The following SLCO1A2 variants were observed in gnomAD, a reference collection of about 807,000 sequenced individuals.
SLCO1A2 encodes solute carrier organic anion transporter family member 1A2, also known as OATP-1.
A neutral mutation model predicts 69.0 loss-of-function variants in SLCO1A2; 67 were observed. The ratio of observed to expected loss-of-function variants is 0.97; its 90% CI spans 0.80 to 1.19. The LOEUF (loss-of-function observed/expected upper bound fraction) is 1.19, where lower values mean the gene tolerates loss of function less well. Among genes scored for constraint, SLCO1A2 ranks in the 50% most tolerant of loss-of-function variants. The pLI is 0.00. For synonymous variants in SLCO1A2, 260 were observed against 265.9 expected, an observed-to-expected ratio of 0.98 and a Z score of 0.22; for missense variants, 787 against 793.7, an observed-to-expected ratio of 0.99 and a Z score of 0.10.
At chr12:21,284,496 C>G (rs1362429691) in intron 12 of SLCO1A2, among the ~76,000 whole-genome samples, 1 of 151,758 alleles carries the variant, frequency 6.6e-6, no homozygotes, top group Non-Finnish European at 1.5e-5. Flanking sequence ...CAGCTCTGCA[C>G]CAAGCGAACC....
intron 1 of SLCO1A2, among the ~76,000 whole-genome samples, chr12:21,384,790 G>A (rs540543792): frequency 8.1e-5 from 12 of 148,346 alleles, no homozygotes; most frequent in South Asian, 2.1e-4. Flanking sequence ...TTTTGAGTCG[G>A]AGTCTCGTTC....
chr12:21,267,688 A>C lies in SLCO1A2; in HGVS notation c.*1860T>G, dbSNP rs964732037. The C allele has an allele frequency of 3.3e-5, 5 of 152,170 alleles. No homozygotes were observed. The South Asian group carries it at 1.0e-3, about 32-fold the overall frequency. The allele number at this position is 152,170 out of a possible 1,614,324, so 9.4% of individuals were successfully genotyped here. A position where few individuals can be genotyped will look rare whatever the true frequency, so the allele number is the denominator to read the frequency against. ...TTCAGAAATGAGCATTCTCTTCACCATCGCACACTCAGCAAAATCTGATTC... is the reference window on the plus strand; with the variant it reads ...TTCAGAAATGAGCATTCTCTTCACCCTCGCACACTCAGCAAAATCTGATTC... On this transcript the variant is annotated 3_prime_UTR_variant, in exon 15 of 15. Transcript: ENST00000683939.
intron 1 of SLCO1A2, among the ~76,000 whole-genome samples, chr12:21,401,286 A>G (rs1210455884): frequency 6.6e-6 from 1 of 151,904 alleles, no homozygotes; most frequent in Non-Finnish European, 1.5e-5. Flanking sequence ...CAAAATATAT[A>G]AAACCAAAGG....
chr12:21,275,381 T>G lies in SLCO1A2; in HGVS notation c.1654A>C (p.Thr552Pro). ...EEKSLGVGLH[T>P]FCTRVFAGIP... Reference sequence around the variant, plus strand: ...TTACCAAATACTCTTGTGCAAAATGTATGTAATCCCACACCAAGGGACTTC... The same window carrying G: ...TTACCAAATACTCTTGTGCAAAATGGATGTAATCCCACACCAAGGGACTTC... The change falls in exon 13 of 15, where the codon ACA becomes CCA. Residue 552 changes from threonine to proline, a missense_variant. Coordinates refer to ENST00000683939, the MANE Select transcript of SLCO1A2 (RefSeq NM_001386879.1). The G allele has an allele frequency of 6.4e-7, 1 of 1,560,156 alleles. No homozygotes were observed. The highest frequency in any genetic ancestry group is 8.7e-7 in the Non-Finnish European group (1 of 1,144,130).
chr12:21,371,573 T>C (rs1017232524), intron 2 of SLCO1A2, among the ~76,000 whole-genome samples: 1 of 152,200 alleles, frequency 6.6e-6, no homozygotes, highest in Non-Finnish European at 1.5e-5. Context: ...AATGAACTAA[T>C]GTTTCTAGTT....
chr12:21,314,622 T>C lies in SLCO1A2; in HGVS notation c.262A>G (p.Met88Val), dbSNP rs1204662293. 1.9e-6 allele frequency: 3 copies of C among 1,613,528 alleles called. No homozygotes were observed. The African/African-American group carries it at 4.0e-5, about 22-fold the overall frequency. The change falls in exon 4 of 15, where the codon ATG becomes GTG. Residue 88 changes from methionine to valine, a missense_variant. Transcript: ENST00000683939. Reference sequence around the variant, plus strand: ...ATAACCACACATCCAATGCCAATCATTATAGGTCTATGCAGTTTGGTTCCA... The same window carrying C: ...ATAACCACACATCCAATGCCAATCACTATAGGTCTATGCAGTTTGGTTCCA... Reference protein sequence around the residue: ...YFGTKLHRPIMIGIGCVVMGL... With the variant: ...YFGTKLHRPIVIGIGCVVMGL...
intron 14 of SLCO1A2, among the ~76,000 whole-genome samples, chr12:21,272,469 A>G (rs1943050504): frequency 6.6e-6 from 1 of 151,802 alleles, no homozygotes; most frequent in Non-Finnish European, 1.5e-5. Context: ...AGATTTACAT[A>G]GCTTCATAAT....
intron 13 of SLCO1A2, 180 bp from the exon 14 acceptor site, chr12:21,274,766 A>AGAT: frequency 1.4e-6 from 1 of 691,388 alleles, no homozygotes; most frequent in Non-Finnish European, 2.2e-6. Flanking sequence ...AATTATTAAA[A>AGAT]GATAAGTAAT....
chr12:21,295,519 A>G, intron 10 of SLCO1A2, 78 bp downstream of exon 10: 1 of 870,632 alleles, frequency 1.1e-6, no homozygotes, highest in Non-Finnish European at 1.8e-6. Flanking sequence ...AAATGATCTG[A>G]TCGTGCATTG....
intron 8 of SLCO1A2, 118 bp from the exon 9 acceptor site, chr12:21,297,686 A>T: frequency 1.5e-6 from 1 of 661,292 alleles, no homozygotes; most frequent in Non-Finnish European, 2.4e-6. Flanking sequence ...TGTAATATGT[A>T]TTGTTTGCTA....
In SLCO1A2 at chr12:21,304,552, G is replaced by T. The variant is rs1180103765; in HGVS notation, c.464C>A (p.Ser155Ter). ...DPSECTKEVK[S>*]LMWVYVLVGN... ...TACTAGGACGTACACCCACATTAAT[G>T]ATTTAACTTCCTTTGTACACTCTGC... The change falls in exon 6 of 15, where the codon TCA (serine) becomes TAA (stop). Residue 155 changes from serine to a stop codon, truncating the protein, a stop_gained. Coordinates refer to ENST00000683939, the MANE Select transcript of SLCO1A2 (RefSeq NM_001386879.1). LOFTEE classifies it high-confidence loss of function. The T allele has an allele frequency of 6.2e-7, 1 of 1,610,642 alleles. No homozygotes were observed. Among genetic ancestry groups the T allele is most frequent in the South Asian group, 1.1e-5 (1 of 90,780 alleles).
chr12:21,334,071 A>G (rs144275916), intron 2 of SLCO1A2, among the ~76,000 whole-genome samples: 91 of 152,040 alleles, frequency 6.0e-4, no homozygotes, highest in Middle Eastern at 3.4e-3. Context: ...AAGCTAGAAA[A>G]CAGAATTTTC....
At position 21,267,419 on chromosome 12, in the gene SLCO1A2, T is replaced by C. The variant is rs1942191912; in HGVS notation, c.*2129A>G. 1 of 152,076 alleles carries C rather than the reference T, an allele frequency of 6.6e-6. No homozygotes were observed. 9.4% of individuals were successfully genotyped at this position (152,076 alleles called of 1,614,324 possible). ...TAAGTTTTTGCTTATTCAGTTTTGC[T>C]CCACGACAAGAGGTCATCAGGGAGC... On this transcript the variant is annotated 3_prime_UTR_variant, in exon 15 of 15. Coordinates refer to ENST00000683939, the MANE Select transcript of SLCO1A2 (RefSeq NM_001386879.1).
At chr12:21,361,599 T>C (rs1431293194) in intron 2 of SLCO1A2, among the ~76,000 whole-genome samples, 1 of 152,140 alleles carries the variant, frequency 6.6e-6, no homozygotes, top group Non-Finnish European at 1.5e-5. Flanking sequence ...TTCTCCGAGC[T>C]AAAGGAGGAT....
In SLCO1A2 at chr12:21,268,478, A is replaced by C. The variant is rs143879363; in HGVS notation, c.*1070T>G. 6.6e-6 allele frequency: 1 copy of C among 152,188 alleles called. No homozygotes were observed. Among genetic ancestry groups the C allele is most frequent in the East Asian group, 1.9e-4 (1 of 5,182 alleles). 9.4% of individuals were successfully genotyped at this position (152,188 alleles called of 1,614,324 possible). ...AAACAGGTATTTGTCTGTTCATTCTATTCTCTTTTACCAGAAGCCCTATAT... is the reference window on the plus strand; with the variant it reads ...AAACAGGTATTTGTCTGTTCATTCTCTTCTCTTTTACCAGAAGCCCTATAT... On this transcript the variant is annotated 3_prime_UTR_variant, in exon 15 of 15. Coordinates refer to ENST00000683939, the MANE Select transcript of SLCO1A2 (RefSeq NM_001386879.1).
At chr12:21,353,472 G>GAA (rs535163407) in intron 2 of SLCO1A2, among the ~76,000 whole-genome samples, 1 of 133,006 alleles carries the variant, frequency 7.5e-6, no homozygotes. Flanking sequence ...ATGGTGCTCA[G>GAA]AAAAAAAAAA....
intron 3 of SLCO1A2, among the ~76,000 whole-genome samples, chr12:21,316,373 T>C (rs1950861441): frequency 6.6e-6 from 1 of 152,156 alleles, no homozygotes; most frequent in Non-Finnish European, 1.5e-5. Flanking sequence ...TATTCATAGA[T>C]TCCGCTTTTC....
chr12:21,414,211 G>A (rs1334514303), intron 1 of SLCO1A2, among the ~76,000 whole-genome samples: 1 of 151,278 alleles, frequency 6.6e-6, no homozygotes, highest in Non-Finnish European at 1.5e-5. Flanking sequence ...AGAGAATGCA[G>A]CCAGACCCAG....
chr12:21,334,729 A>G lies in SLCO1A2; in HGVS notation c.-62-20T>C. 1.3e-5 allele frequency: 14 copies of G among 1,088,604 alleles called. No homozygotes were observed. Among genetic ancestry groups the G allele is most frequent in the Non-Finnish European group, 1.9e-5 (14 of 747,754 alleles). The allele number at this position is 1,088,604 out of a possible 1,614,324, so 67.4% of individuals were successfully genotyped here. ...TCTACCCTTTCAAGCAAACAAAAAA[A>G]TATGTTAAATTAACTACAAAATTGT... On this transcript the variant is annotated intron_variant, in intron 1 of 14. Coordinates refer to ENST00000683939, the MANE Select transcript of SLCO1A2 (RefSeq NM_001386879.1).
Sources: gnomAD v4.1 joint callset for allele counts (sites outside exome capture counted in the v4.1 genomes callset) on GRCh38, gnomAD v4.1.1 for gene constraint, MANE v1.5 for transcripts, NCBI Gene and HGNC (gene_info 2026-07-23, HGNC 2026-07-21) for gene names.